Variants in ZBBX observed in about 807,000 individuals in gnomAD.
ZBBX encodes zinc finger B-box domain-containing protein 1.
In ZBBX, 101 loss-of-function variants were observed where a neutral mutation model predicts 108.5. The observed-to-expected ratio is 0.93, with a 90% CI of 0.79 to 1.10. ZBBX has a LOEUF of 1.10. Among genes scored for constraint, ZBBX ranks in the 50% least tolerant of loss-of-function variants. The pLI, the probability that ZBBX is intolerant of heterozygous loss-of-function variation, is 0.00. For missense variants in ZBBX, 1,009 were observed against 941.4 expected (o/e 1.07, Z -0.94); for synonymous variants, 356 against 323.4 (o/e 1.10, Z -1.08).
At chr3:167,370,061 G>T (rs1464136451) in intron 4 of ZBBX, among the ~76,000 whole-genome samples, 3 of 152,106 alleles carry the variant, frequency 2.0e-5, no homozygotes, top group African/African-American at 7.2e-5. Context: ...ATCATTAAAG[G>T]GTTTTAAGAG....
the ZBBX span, among the ~76,000 whole-genome samples, chr3:167,220,036 A>G: frequency 6.6e-6 from 1 of 152,002 alleles, no homozygotes; most frequent in African/African-American, 2.4e-5. Flanking sequence ...CAACCTACCA[A>G]GATTGAGCCA....
chr3:167,222,080 T>C, the ZBBX span, among the ~76,000 whole-genome samples: 1 of 151,894 alleles, frequency 6.6e-6, no homozygotes, highest in African/African-American at 2.4e-5. Flanking sequence ...AGGAAATCAG[T>C]ATATTCAAGA....
At chr3:167,301,302 C>T (rs1168679096) in intron 17 of ZBBX, among the ~76,000 whole-genome samples, 1 of 152,106 alleles carries the variant, frequency 6.6e-6, no homozygotes, top group Non-Finnish European at 1.5e-5. Context: ...TGAGAGTAGA[C>T]CAGGAATTCA....
intron 11 of ZBBX, among the ~76,000 whole-genome samples, chr3:167,325,931 C>T (rs529394356): frequency 6.6e-6 from 1 of 152,236 alleles, no homozygotes; most frequent in African/African-American, 2.4e-5. Flanking sequence ...GGAAAATAGT[C>T]ATGTCACACT....
chr3:167,197,309 C>T, the ZBBX span, among the ~76,000 whole-genome samples: 4 of 152,124 alleles, frequency 2.6e-5, no homozygotes, highest in South Asian at 2.1e-4. Flanking sequence ...GAGGCTGAGG[C>T]GGGCAGATCA....
In ZBBX at chr3:167,314,072, T is replaced by C. The variant is rs749864015; in HGVS notation, c.1319A>G (p.Asn440Ser). ...DCQKNSFPYE[N>S]GIHQHHVFDK... ...GAAAACATGATGTTGATGGATGCCA[T>C]TTTCATATGGAAAGCTATTCTTCTG... The change falls in exon 16 of 22, where the codon AAT (asparagine) becomes AGT (serine). Residue 440 changes from asparagine to serine, a missense_variant. By Grantham distance (46) the Asn-to-Ser change is conservative. Transcript: ENST00000675490. The C allele has an allele frequency of 1.9e-6, 3 of 1,604,556 alleles. No individual in the cohort carries two copies. Among genetic ancestry groups the C allele is most frequent in the Non-Finnish European group, 1.7e-6 (2 of 1,175,388 alleles).
At chr3:167,329,308 T>C (rs1290999945) in intron 10 of ZBBX, among the ~76,000 whole-genome samples, 1 of 152,220 alleles carries the variant, frequency 6.6e-6, no homozygotes, top group African/African-American at 2.4e-5. Flanking sequence ...TAAATATCCA[T>C]GTGTATCTTT....
At chr3:167,224,259 T>C in the ZBBX span, among the ~76,000 whole-genome samples, 1 of 151,982 alleles carries the variant, frequency 6.6e-6, no homozygotes, top group African/African-American at 2.4e-5. Context: ...TACTTCCATG[T>C]ATTTTTTTAT....
intron 11 of ZBBX, among the ~76,000 whole-genome samples, chr3:167,326,879 A>C (rs1685677885): frequency 6.6e-6 from 1 of 152,078 alleles, no homozygotes. Context: ...AAAGTGTAAT[A>C]GTCAGAAGAG....
intron 1 of ZBBX, chr3:167,401,187 A>G (rs1419786611): frequency 2.0e-5 from 3 of 152,352 alleles, no homozygotes; most frequent in African/African-American, 7.2e-5. Flanking sequence ...TATCAGGGCC[A>G]CAACAGAAGA....
intron 11 of ZBBX, among the ~76,000 whole-genome samples, chr3:167,322,563 T>A (rs1736627365): frequency 6.6e-6 from 1 of 152,044 alleles, no homozygotes. Context: ...CATAAAGGTA[T>A]AATACACAGA....
At position 167,240,949 on chromosome 3, in the gene ZBBX, A is replaced by G. The variant is rs369802745; in HGVS notation, c.2394-30T>C. The G allele has an allele frequency of 5.2e-5, 84 of 1,608,400 alleles. 1 individual carries two copies. In the Admixed American group the frequency reaches 7.4e-4, roughly 14 times the overall value. ...AAATACATAACAAGATCAATACACA[A>G]TATACAGAACCGGGTTTCAACTCTT... is the stretch of plus-strand genomic sequence containing the variant. On this transcript the variant is annotated intron_variant, in intron 21 of 21. Coordinates refer to ENST00000675490, the MANE Select transcript of ZBBX (RefSeq NM_001199201.2).
chr3:167,249,050 A>G (rs1301863560), intron 20 of ZBBX, among the ~76,000 whole-genome samples: 1 of 152,210 alleles, frequency 6.6e-6, no homozygotes, highest in Non-Finnish European at 1.5e-5. Flanking sequence ...TATTTTCACC[A>G]CGCTCAGCCT....
chr3:167,298,203 T>C, intron 18 of ZBBX, 102 bp downstream of exon 18: 1 of 945,168 alleles, frequency 1.1e-6, no homozygotes, highest in Non-Finnish European at 1.5e-6. Flanking sequence ...GTTAATAATT[T>C]TAGGCTGGCA....
chr3:167,284,335 G>A (rs1023444812), intron 19 of ZBBX, among the ~76,000 whole-genome samples: 1 of 151,928 alleles, frequency 6.6e-6, no homozygotes, highest in African/African-American at 2.4e-5. Context: ...GGAAGCAATA[G>A]CACAGGCAAT....
chr3:167,278,760 A>T (rs2108509458), intron 20 of ZBBX, among the ~76,000 whole-genome samples: 1 of 150,904 alleles, frequency 6.6e-6, no homozygotes, highest in South Asian at 2.1e-4. Flanking sequence ...TGAGGCCAGC[A>T]TCATCCTGAT....
intron 9 of ZBBX, among the ~76,000 whole-genome samples, chr3:167,340,160 CTATGAG>C (rs1395058971): frequency 2.0e-5 from 3 of 152,084 alleles, no homozygotes; most frequent in Non-Finnish European, 4.4e-5. Flanking sequence ...ATACATTGCA[CTATGAG>C]TATGAGGATC....
At chr3:167,208,857 T>C in the ZBBX span, among the ~76,000 whole-genome samples, 1 of 152,024 alleles carries the variant, frequency 6.6e-6, no homozygotes, top group South Asian at 2.1e-4. Flanking sequence ...ACCAAGCAGG[T>C]ACTTGAGATC....
At chr3:167,330,289 C>A (rs1161802678) in intron 10 of ZBBX, among the ~76,000 whole-genome samples, 1 of 152,124 alleles carries the variant, frequency 6.6e-6, no homozygotes, top group African/African-American at 2.4e-5. Context: ...AGAAGGGTTG[C>A]CTGACTCCTA....
Sources: allele counts gnomAD v4.1 joint callset (sites outside exome capture counted in the v4.1 genomes callset), GRCh38; gene constraint gnomAD v4.1.1; transcripts MANE v1.5; gene names NCBI Gene and HGNC (gene_info 2026-07-23, HGNC 2026-07-21).